The following COA1 variants were observed in gnomAD, a reference collection of about 807,000 sequenced individuals.
COA1 encodes cytochrome c oxidase assembly factor 1.
Under a neutral mutation model 16.0 loss-of-function variants are expected in COA1, and 13 were observed. The ratio of observed to expected loss-of-function variants is 0.81; its 90% confidence interval spans 0.53 to 1.29. The LOEUF (loss-of-function observed/expected upper bound fraction) is 1.29. Among genes scored for constraint, COA1 ranks in the 50% most tolerant of loss-of-function variants. COA1 has a pLI of 0.00. For missense variants in COA1, 179 were observed against 177.0 expected, an observed-to-expected ratio of 1.01 and a Z score of -0.06; for synonymous variants, 65 against 65.7, an observed-to-expected ratio of 0.99 and a Z score of 0.05.
chr7:43,614,319 T>C (rs1222158009), intron 6 of COA1, among the ~76,000 whole-genome samples: 1 of 152,222 alleles, frequency 6.6e-6, no homozygotes, highest in Non-Finnish European at 1.5e-5. Flanking sequence ...CTCTATTGAT[T>C]GACCTTGCTT....
intron 1 of COA1, among the ~76,000 whole-genome samples, chr7:43,675,687 G>C (rs751305720): frequency 3.9e-5 from 6 of 151,994 alleles, no homozygotes; most frequent in Admixed American, 1.3e-4. Flanking sequence ...ATTTTTACAT[G>C]TAACAAATTA....
intron 1 of COA1, among the ~76,000 whole-genome samples, chr7:43,670,471 T>A (rs2093189764): frequency 6.6e-6 from 1 of 151,948 alleles, no homozygotes; most frequent in South Asian, 2.1e-4. Flanking sequence ...AAAATTTTCA[T>A]CATAAACTCA....
chr7:43,631,616 G>A (rs764102967), intron 6 of COA1: 3 of 152,206 alleles, frequency 2.0e-5, no homozygotes, highest in Non-Finnish European at 2.9e-5. Flanking sequence ...TGTCATCTGA[G>A]TTACTTTTCC....
intron 1 of COA1, among the ~76,000 whole-genome samples, chr7:43,683,172 T>C (rs1394050083): frequency 6.6e-6 from 1 of 152,154 alleles, no homozygotes; most frequent in Admixed American, 6.5e-5. Flanking sequence ...ACTGATACTC[T>C]TGAGAACAAT....
At chr7:43,657,451 C>G (rs2091887186) in intron 1 of COA1, among the ~76,000 whole-genome samples, 1 of 152,202 alleles carries the variant, frequency 6.6e-6, no homozygotes. Flanking sequence ...GAACTCAAAT[C>G]AGTTTGATGC....
At chr7:43,620,369 C>T (rs1002739555) in intron 6 of COA1, among the ~76,000 whole-genome samples, 3 of 152,022 alleles carry the variant, frequency 2.0e-5, no homozygotes, top group Non-Finnish European at 2.9e-5. Flanking sequence ...AGGTTGTGAC[C>T]AGAGATTAGA....
chr7:43,728,660 G>A (rs2095670673), intron 1 of COA1, among the ~76,000 whole-genome samples: 4 of 152,174 alleles, frequency 2.6e-5, no homozygotes, highest in Admixed American at 2.6e-4. Flanking sequence ...GGAAGGCCAG[G>A]AAGATTCTGA....
chr7:43,622,705 GTTTTTTT>G (rs33923943), intron 6 of COA1: 4 of 146,882 alleles, frequency 2.7e-5, no homozygotes, highest in Non-Finnish European at 4.5e-5. Flanking sequence ...TTTTGTTTTT[GTTTTTTT>G]TTTTGTGAGA....
rs924397613 is a variant in COA1 at position 43,647,173 on chromosome 7, C to T, written c.115+362G>A. On this transcript the variant is annotated intron_variant, in intron 3 of 5. Coordinates refer to ENST00000223336, the MANE Select transcript of COA1 (RefSeq NM_018224.4). ...AAAAAGTCTGACAATGCTGGACGCA[C>T]AGCCACAGCTTTCCCCACCTGTGAA... 1.7e-5 allele frequency: 5 copies of T among 299,826 alleles called. No homozygotes were observed. The East Asian group carries it at 2.9e-4, about 18-fold the overall frequency. The allele number at this position is 299,826 out of a possible 1,614,324, so 18.6% of individuals were successfully genotyped here. A position where few individuals can be genotyped will look rare whatever the true frequency, so the allele number is the denominator to read the frequency against.
chr7:43,708,391 G>GCTCAAGACTGGGAGGC (rs71011941), intron 1 of COA1, among the ~76,000 whole-genome samples: 22,032 of 151,390 alleles, frequency 0.15, 2,157 homozygotes, highest in Non-Finnish European at 0.21. Context: ...AGCCTGGGAG[G>GCTCAAGACTGGGAGGC]TCAAGACTGC....
intron 1 of COA1, among the ~76,000 whole-genome samples, chr7:43,709,661 A>G (rs1019284600): frequency 3.9e-5 from 6 of 152,290 alleles, no homozygotes; most frequent in East Asian, 1.9e-4. Context: ...CTGCACCAAT[A>G]TAACACTGTC....
At chr7:43,646,648 T>G in intron 3 of COA1, 1 of 456,550 alleles carries the variant, frequency 2.2e-6, no homozygotes, top group Non-Finnish European at 4.4e-6. Flanking sequence ...ATCCCTCTCA[T>G]GTCCTGCCCC....
chr7:43,716,322 T>C (rs2095394158), intron 1 of COA1, among the ~76,000 whole-genome samples: 2 of 152,080 alleles, frequency 1.3e-5, no homozygotes, highest in Non-Finnish European at 2.9e-5. Context: ...GATAGTGATA[T>C]GAAGAGTAAG....
intron 1 of COA1, among the ~76,000 whole-genome samples, chr7:43,678,016 A>G (rs2093612944): frequency 6.6e-6 from 1 of 152,198 alleles, no homozygotes; most frequent in South Asian, 2.1e-4. Context: ...CACTGACTAC[A>G]GGCAATTTCC....
chr7:43,698,887 T>A (rs113289183), intron 1 of COA1, among the ~76,000 whole-genome samples: 4 of 152,290 alleles, frequency 2.6e-5, no homozygotes, highest in African/African-American at 9.6e-5. Flanking sequence ...AAATTATCCA[T>A]CTGCATAAAG....
Position 43,686,574 on chromosome 7 carries a change from G to A in COA1, c.-38-37922C>T, listed in dbSNP as rs187405209. Reference sequence around the variant, plus strand: ...CTCCCAAAGTGCTGGGATTACAGGCGTGAGCCACCGCGCCCGGCCGGCTTT... The same window carrying A: ...CTCCCAAAGTGCTGGGATTACAGGCATGAGCCACCGCGCCCGGCCGGCTTT... On this transcript the variant is annotated intron_variant, in intron 1 of 5. Coordinates refer to ENST00000223336, the MANE Select transcript of COA1 (RefSeq NM_018224.4). 5.9e-5 allele frequency among the ~76,000 whole-genome samples: 9 copies of A among 152,306 alleles called. No homozygotes were observed. In the South Asian group the frequency reaches 1.7e-3, roughly 28 times the overall value.
chr7:43,619,248 CT>C (rs1464654952), intron 6 of COA1, among the ~76,000 whole-genome samples: 1 of 152,150 alleles, frequency 6.6e-6, no homozygotes, highest in Non-Finnish European at 1.5e-5. Flanking sequence ...ACCAATTGTG[CT>C]TGACCATGCT....
At chr7:43,662,160 C>T (rs940599703) in intron 1 of COA1, among the ~76,000 whole-genome samples, 1 of 152,262 alleles carries the variant, frequency 6.6e-6, no homozygotes, top group African/African-American at 2.4e-5. Flanking sequence ...AGGCTATTAA[C>T]ATGAAAAAGC....
chr7:43,633,551 A>C (rs2085379373), intron 6 of COA1: 1 of 151,196 alleles, frequency 6.6e-6, no homozygotes, highest in Non-Finnish European at 1.5e-5. Flanking sequence ...AAGATCACTG[A>C]TCACAGCTCT....
Sources: gnomAD v4.1 joint callset for allele counts (sites outside exome capture counted in the v4.1 genomes callset) on GRCh38, gnomAD v4.1.1 for gene constraint, MANE v1.5 for transcripts, NCBI Gene and HGNC (gene_info 2026-07-23, HGNC 2026-07-21) for gene names.